Variants in GLP2R observed in about 807,000 individuals in gnomAD.
GLP2R encodes glucagon like peptide 2 receptor.
A neutral mutation model predicts 68.2 loss-of-function variants in GLP2R; 59 were observed. The observed-to-expected ratio is 0.87, with a 90% CI of 0.70 to 1.07. The LOEUF (loss-of-function observed/expected upper bound fraction) is 1.07. Among genes scored for constraint, GLP2R ranks in the 50% least tolerant of loss-of-function variants. The pLI, the probability that GLP2R is intolerant of heterozygous loss-of-function variation, is 0.00. For missense variants in GLP2R, 548 were observed against 677.4 expected, an observed-to-expected ratio of 0.81 and a Z score of 2.12; for synonymous variants, 270 against 265.4, an observed-to-expected ratio of 1.02 and a Z score of -0.17.
At chr17:9,873,556 C>CTTTTTTGTTTTTTTTTT (rs2067115517) in intron 10 of GLP2R, among the ~76,000 whole-genome samples, 1 of 52,076 alleles carries the variant, frequency 1.9e-5, no homozygotes, top group African/African-American at 8.6e-5. Flanking sequence ...TATGCATGGA[C>CTTTTTTGTTTTTTTTTT]TTTTTTTTTT....
chr17:9,828,849 T>C (rs1018656631), intron 1 of GLP2R, among the ~76,000 whole-genome samples: 2 of 152,220 alleles, frequency 1.3e-5, no homozygotes, highest in African/African-American at 2.4e-5. Flanking sequence ...ATAACATGTC[T>C]GCTGGCAGTG....
At position 9,889,872 on chromosome 17, in the gene GLP2R, G is replaced by A. The variant is rs1177907683; in HGVS notation, c.*167G>A. The A allele has an allele frequency of 1.6e-6, 1 of 633,176 alleles. No individual in the cohort carries two copies. The highest frequency in any genetic ancestry group is 2.8e-6 in the Non-Finnish European group (1 of 356,040). 39.2% of individuals were successfully genotyped at this position (633,176 alleles called of 1,614,324 possible). The stretch of plus-strand genomic sequence containing the variant: ...AAGGTTCTTCAAGCTCTGTATGAAA[G>A]AGGCTGTGTGTCATGCTCACAGCCT... On this transcript the variant is annotated 3_prime_UTR_variant, in exon 13 of 13. Coordinates refer to ENST00000262441, the MANE Select transcript of GLP2R (RefSeq NM_004246.3).
chr17:9,877,376 C>A (rs554823784), intron 10 of GLP2R, among the ~76,000 whole-genome samples: 3 of 152,244 alleles, frequency 2.0e-5, no homozygotes, highest in African/African-American at 7.2e-5. Flanking sequence ...GGTAGACAAT[C>A]CCTTCATGTC....
At chr17:9,827,649 T>C (rs1230299505) in intron 1 of GLP2R, among the ~76,000 whole-genome samples, 2 of 152,234 alleles carry the variant, frequency 1.3e-5, no homozygotes, top group East Asian at 3.9e-4. Flanking sequence ...TCCACTTGTC[T>C]GAATAACGAA....
intron 4 of GLP2R, 74 bp downstream of exon 4, chr17:9,842,690 C>G: frequency 6.5e-7 from 1 of 1,529,288 alleles, no homozygotes. Context: ...CAGTGGCCTG[C>G]TGGCTCCAGG....
chr17:9,838,467 C>T (rs2066754395), intron 3 of GLP2R, among the ~76,000 whole-genome samples: 1 of 152,178 alleles, frequency 6.6e-6, no homozygotes, highest in South Asian at 2.1e-4. Context: ...TTCTCAGTAG[C>T]ATGTGGAGCC....
intron 2 of GLP2R, 49 bp from the exon 3 acceptor site, chr17:9,836,322 T>C (rs1041863920): frequency 1.6e-6 from 2 of 1,244,274 alleles, no homozygotes; most frequent in Non-Finnish European, 2.4e-6. Flanking sequence ...ATCAGTGGCA[T>C]CCCTGTGCTA....
chr17:9,831,963 A>G (rs906824642), intron 1 of GLP2R, among the ~76,000 whole-genome samples: 9 of 152,174 alleles, frequency 5.9e-5, no homozygotes, highest in African/African-American at 2.2e-4. Context: ...GACAGACCAG[A>G]ATGCCCTTGG....
chr17:9,839,484 C>G (rs998118917), intron 3 of GLP2R, among the ~76,000 whole-genome samples: 1 of 152,136 alleles, frequency 6.6e-6, no homozygotes, highest in Admixed American at 6.5e-5. Context: ...GCCCACATCT[C>G]AACCAGTGGG....
In GLP2R at chr17:9,889,376, G is replaced by A; in HGVS notation, c.1333G>A (p.Ala445Thr). The change falls in exon 13 of 13, where the codon GCT becomes ACT. Residue 445 changes from alanine to threonine, a missense_variant. By Grantham distance (58) the Ala-to-Thr change is moderately conservative. Coordinates refer to ENST00000262441, the MANE Select transcript of GLP2R (RefSeq NM_004246.3). ...CACTTGTCTCACCCGGCAGGTGAAG[G>A]CTGAGCTGCGGAAATACTGGGTCCG... ...QYGFANGEVK[A>T]ELRKYWVRFL... 6.2e-7 allele frequency: 1 copy of A among 1,611,298 alleles called. No homozygotes were observed. The highest frequency in any genetic ancestry group is 8.5e-7 in the Non-Finnish European group (1 of 1,177,648).
intron 9 of GLP2R, among the ~76,000 whole-genome samples, chr17:9,864,511 TTTG>T (rs928051650): frequency 1.5e-4 from 21 of 143,460 alleles, no homozygotes; most frequent in African/African-American, 4.4e-4. Context: ...TGTTTGTTTG[TTTG>T]TTTTGTTTTT....
At chr17:9,888,126 C>T (rs1291666555) in intron 12 of GLP2R, among the ~76,000 whole-genome samples, 153 bp downstream of exon 12, 1 of 152,154 alleles carries the variant, frequency 6.6e-6, no homozygotes, top group African/African-American at 2.4e-5. Context: ...GCTTCCGGTA[C>T]AGAGAGCAGG....
chr17:9,853,527 G>C (rs1294042955), intron 4 of GLP2R, among the ~76,000 whole-genome samples: 2 of 152,216 alleles, frequency 1.3e-5, no homozygotes, highest in Non-Finnish European at 1.5e-5. Flanking sequence ...TATATTAAGA[G>C]AGATGGAACA....
At chr17:9,877,190 G>T (rs2067148570) in intron 10 of GLP2R, among the ~76,000 whole-genome samples, 1 of 152,178 alleles carries the variant, frequency 6.6e-6, no homozygotes, top group Non-Finnish European at 1.5e-5. Context: ...ATAAATATTT[G>T]TTGGATAGTT....
At chr17:9,856,395 A>G (rs2066933862) in intron 5 of GLP2R, among the ~76,000 whole-genome samples, 1 of 152,220 alleles carries the variant, frequency 6.6e-6, no homozygotes, top group Non-Finnish European at 1.5e-5. Flanking sequence ...CCTAAGACAC[A>G]AGAACCTGCC....
intron 6 of GLP2R, among the ~76,000 whole-genome samples, chr17:9,857,823 T>C (rs1040797269): frequency 1.3e-5 from 2 of 152,218 alleles, no homozygotes; most frequent in Non-Finnish European, 2.9e-5. Flanking sequence ...AATTTCTTCA[T>C]GTGCAAACAA....
At chr17:9,829,201 A>C (rs527790097) in intron 1 of GLP2R, among the ~76,000 whole-genome samples, 2 of 152,290 alleles carry the variant, frequency 1.3e-5, no homozygotes, top group East Asian at 3.9e-4. Flanking sequence ...CACTCGTTTA[A>C]GTTATTTAGC....
At chr17:9,847,547 T>C (rs1053306015) in intron 4 of GLP2R, among the ~76,000 whole-genome samples, 13 of 152,094 alleles carry the variant, frequency 8.5e-5, no homozygotes, top group Admixed American at 3.3e-4. Flanking sequence ...GGATTACAGG[T>C]GTGAGCCACC....
intron 1 of GLP2R, among the ~76,000 whole-genome samples, chr17:9,826,694 T>C (rs2066635178): frequency 6.6e-6 from 1 of 152,226 alleles, no homozygotes; most frequent in South Asian, 2.1e-4. Flanking sequence ...TGTTTCCTTT[T>C]TCCTTTCATT....
Sources: gnomAD v4.1 joint callset for allele counts (sites outside exome capture counted in the v4.1 genomes callset) on GRCh38, gnomAD v4.1.1 for gene constraint, MANE v1.5 for transcripts, NCBI Gene and HGNC (gene_info 2026-07-23, HGNC 2026-07-21) for gene names.